Variants in CAPN15 observed in about 807,000 individuals in gnomAD.
The protein encoded by CAPN15 is calpain-15.
Under a neutral mutation model 97.9 loss-of-function variants are expected in CAPN15, and 53 were observed. That is an observed-to-expected ratio of 0.54 (90% confidence interval 0.43 to 0.68). The LOEUF is 0.68. Ranked by LOEUF, CAPN15 falls within the 30% of genes least tolerant of loss-of-function variation. The probability of loss-of-function intolerance (pLI) is 0.00; values close to 1 mark genes in which losing one functional copy is unlikely to be tolerated. For missense variants in CAPN15, 1,592 were observed against 1,589.8 expected (o/e 1.00, Z -0.02); for synonymous variants, 922 against 722.5 (o/e 1.28, Z -4.43).
rs753200597 is a variant in CAPN15 at position 546,888 on chromosome 16, C to T, written c.50C>T (p.Pro17Leu). The T allele has an allele frequency of 8.1e-6, 13 of 1,611,520 alleles. No homozygotes were observed. The highest frequency in any genetic ancestry group is 1.0e-5 in the Non-Finnish European group (12 of 1,179,724). The change falls in exon 4 of 14, where the codon CCG becomes CTG. Residue 17 changes from proline to leucine, a missense_variant. Pro to Leu is a moderately conservative substitution (Grantham distance 98, BLOSUM62 -3). Around this residue, in one of 3 missense-constraint regions of CAPN15, gnomAD observed 883 missense variants for 776.6 expected, o/e 1.14. Transcript: ENST00000219611. Reference sequence around the variant, plus strand: ...TGTGTGCGCTGCACCTTCCTGAACCCGGCCGGCCAGCGCCAGTGCTCCATC... The same window carrying T: ...TGTGTGCGCTGCACCTTCCTGAACCTGGCCGGCCAGCGCCAGTGCTCCATC... The part of the protein sequence containing the change: ...WSCVRCTFLN[P>L]AGQRQCSICE...
chr16:548,156 C>T lies in CAPN15; in HGVS notation c.1318C>T (p.Leu440Phe). The T allele has an allele frequency of 1.3e-6, 2 of 1,537,878 alleles. No homozygotes were observed. The highest frequency in any genetic ancestry group is 1.4e-5 in the African/African-American group (1 of 71,682). Residue 440 changes from leucine (L) to phenylalanine (F), a missense_variant, in exon 4 of 14, where the codon CTC becomes TTC. Leu to Phe is a conservative substitution (Grantham distance 22). Coordinates refer to ENST00000219611, the MANE Select transcript of CAPN15 (RefSeq NM_005632.3). ...KHCAACHTPQ[L>F]LVAQRRGAAP... Reference sequence around the variant, plus strand: ...CTGCGCCGCCTGCCACACGCCTCAGCTCCTGGTGGCCCAGCGGCGGGGGGC... The same window carrying T: ...CTGCGCCGCCTGCCACACGCCTCAGTTCCTGGTGGCCCAGCGGCGGGGGGC...
intron 3 of CAPN15, among the ~76,000 whole-genome samples, chr16:542,020 C>T (rs1323722958): frequency 1.2e-4 from 17 of 145,216 alleles, no homozygotes; most frequent in African/African-American, 3.9e-4. Flanking sequence ...GGCCACAGGA[C>T]GTGGCTGGCT....
At chr16:536,594 TTG>T (rs2033756283) in intron 3 of CAPN15, among the ~76,000 whole-genome samples, 2 of 152,072 alleles carry the variant, frequency 1.3e-5, no homozygotes, top group South Asian at 4.1e-4. Context: ...AGCTAATTTT[TTG>T]TGTGTTTTTA....
In CAPN15 at chr16:537,348, T is replaced by G. The variant is rs546365592; in HGVS notation, c.-23+1206T>G. The G allele has an allele frequency of 1.3e-3, 1,287 of 985,574 alleles. 1 individual carries two copies. Among genetic ancestry groups the G allele is most frequent in the Non-Finnish European group, 1.4e-3 (1,203 of 830,008 alleles). The allele number at this position is 985,574 out of a possible 1,614,324, so 61.1% of individuals were successfully genotyped here. A position where few individuals can be genotyped will look rare whatever the true frequency, so the allele number is the denominator to read the frequency against. Reference sequence around the variant, plus strand: ...GGTGCAGCTGGGCACCACTTCTGCCTTGGGCCTAAAGGCATCAGTGAGGAG... The same window carrying G: ...GGTGCAGCTGGGCACCACTTCTGCCGTGGGCCTAAAGGCATCAGTGAGGAG... On this transcript the variant is annotated intron_variant, in intron 3 of 13. Coordinates refer to ENST00000219611, the MANE Select transcript of CAPN15 (RefSeq NM_005632.3).
At position 527,720 on chromosome 16, in the gene CAPN15, G is replaced by C. The variant is rs1440236213; in HGVS notation, c.-499G>C. The C allele has an allele frequency of 6.6e-6, 1 of 151,244 alleles. No individual in the cohort carries two copies. Among genetic ancestry groups the C allele is most frequent in the Non-Finnish European group, 1.5e-5 (1 of 67,680 alleles). The allele number at this position is 151,244 out of a possible 1,614,324, so 9.4% of individuals were successfully genotyped here. A position where few individuals can be genotyped will look rare whatever the true frequency, so the allele number is the denominator to read the frequency against. ...GCAGCCCTGTGGGAGCCGTAGTCCG[G>C]GCGCGCGATTCACAGCGCCGCGTGC... On this transcript the variant is annotated 5_prime_UTR_variant, in exon 1 of 14. Transcript: ENST00000219611.
rs187147216 is a variant in CAPN15, at chr16:552,813, A to C, written c.2904+42A>C. On this transcript the variant is annotated intron_variant, in intron 12 of 13. Transcript: ENST00000219611. The surrounding 1 kb of genome is among the most constrained non-coding windows in gnomAD (Gnocchi z 6.4). ...GGGGAGGGTGGCGTGGGGCAGGGGG[A>C]GTATGCCCCAGCACCTCCCCTGCCC... 14 of 720,326 alleles carry C rather than the reference A, an allele frequency of 1.9e-5. No individual in the cohort carries two copies. The highest frequency in any genetic ancestry group is 7.1e-5 in the African/African-American group (4 of 56,410). The allele number at this position is 720,326 out of a possible 1,614,324, so 44.6% of individuals were successfully genotyped here.
In CAPN15 at chr16:553,671, G is replaced by GC. The variant is rs1221335561; in HGVS notation, c.*161dup. On this transcript the variant is annotated 3_prime_UTR_variant, in exon 14 of 14. Coordinates refer to ENST00000219611, the MANE Select transcript of CAPN15 (RefSeq NM_005632.3). ...GGGCTCAGCTTCCCATGGGCCCCCC[G>GC]CCCCCCTCCTTCCCCTCCCTGAACC... 3.9e-6 allele frequency: 2 copies of GC among 514,526 alleles called. No homozygotes were observed. The highest frequency in any genetic ancestry group is 7.5e-5 in the Admixed American group (2 of 26,838). 31.9% of individuals were successfully genotyped at this position (514,526 alleles called of 1,614,324 possible).
In CAPN15 at chr16:547,446, G is replaced by T. The variant is rs560754825; in HGVS notation, c.608G>T (p.Gly203Val). The change falls in exon 4 of 14, where the codon GGC becomes GTC. Residue 203 changes from glycine (G) to valine (V), a missense_variant. Transcript: ENST00000219611. ...FHVVPAAPPP[G>V]LPGEGAEANP... is the part of the protein sequence containing the mutation. ...GTCGTGCCTGCCGCGCCTCCACCTGGCCTCCCCGGGGAAGGTGCCGAGGCC... is the reference window on the plus strand; with the variant it reads ...GTCGTGCCTGCCGCGCCTCCACCTGTCCTCCCCGGGGAAGGTGCCGAGGCC... 6.3e-7 allele frequency: 1 copy of T among 1,588,616 alleles called. No individual in the cohort carries two copies. Among genetic ancestry groups the T allele is most frequent in the Non-Finnish European group, 8.5e-7 (1 of 1,174,704 alleles).
At chr16:533,299 A>C (rs1022254882) in intron 1 of CAPN15, among the ~76,000 whole-genome samples, 10 of 152,234 alleles carry the variant, frequency 6.6e-5, no homozygotes, top group African/African-American at 1.9e-4. Context: ...GGCCCTACAC[A>C]GGGCCCAGGA....
Position 549,338 on chromosome 16 carries a change from G to C in CAPN15, c.1709G>C (p.Arg570Pro). 6.3e-7 allele frequency: 1 copy of C among 1,595,130 alleles called. No homozygotes were observed. The highest frequency in any genetic ancestry group is 1.1e-5 in the South Asian group (1 of 89,932). ...VLAERPDLVE[R>P]VMVTRSLCAE... ...GCGGAGCGGCCGGACCTGGTGGAGC[G>C]GGTGATGGTCACGCGCAGCCTGTGT... Residue 570 changes from arginine to proline, a missense_variant, in exon 6 of 14, where the codon CGG becomes CCG. Physicochemically the swap from Arg to Pro is moderately radical, Grantham distance 103 (BLOSUM62 -2). Around this residue, in one of 3 missense-constraint regions of CAPN15, gnomAD observed 65 missense variants for 113.7 expected, o/e 0.57. Transcript: ENST00000219611.
Position 532,709 on chromosome 16 carries a change from C to G in CAPN15, c.-189-1237C>G, listed in dbSNP as rs191639739. Among the ~76,000 whole-genome samples, 48 of 151,340 alleles carry G rather than the reference C, an allele frequency of 3.2e-4. No homozygotes were observed. The East Asian group carries it at 7.8e-3, about 25-fold the overall frequency. On this transcript the variant is annotated intron_variant, in intron 1 of 13. Transcript: ENST00000219611. Reference sequence around the variant, plus strand: ...CTGCTAAAAATACAAAAAAATTAGCCGGGCCTGGTGGCAGGCGCCTGTAGT... The same window carrying G: ...CTGCTAAAAATACAAAAAAATTAGCGGGGCCTGGTGGCAGGCGCCTGTAGT...
At chr16:529,303 G>A (rs1319751524) in intron 1 of CAPN15, among the ~76,000 whole-genome samples, 1 of 152,132 alleles carries the variant, frequency 6.6e-6, no homozygotes, top group Non-Finnish European at 1.5e-5. Flanking sequence ...CTGAGAGCAG[G>A]AAGTGGCTGG....
At chr16:543,005 T>C (rs56067117) in intron 3 of CAPN15, among the ~76,000 whole-genome samples, 9,984 of 150,996 alleles carry the variant, frequency 0.066, 469 homozygotes, top group African/African-American at 0.13. Flanking sequence ...GAGCCAAGAT[T>C]GCACCACTGC....
At chr16:532,250 A>G (rs1337933532) in intron 1 of CAPN15, among the ~76,000 whole-genome samples, 1 of 150,228 alleles carries the variant, frequency 6.7e-6, no homozygotes, top group African/African-American at 2.5e-5. Context: ...AAAAAAAAAA[A>G]AAAGAAAAAA....
chr16:537,654 G>A (rs117631447), intron 3 of CAPN15: 5,598 of 162,572 alleles, frequency 0.034, 138 homozygotes, highest in Non-Finnish European at 0.05. Flanking sequence ...GGGAGTGTCG[G>A]AAATGCCCAA....
Position 554,329 on chromosome 16 carries a change from G to A in CAPN15, c.*813G>A, listed in dbSNP as rs896346697. On this transcript the variant is annotated 3_prime_UTR_variant, in exon 14 of 14. Coordinates refer to ENST00000219611, the MANE Select transcript of CAPN15 (RefSeq NM_005632.3). Reference sequence around the variant, plus strand: ...CACAGAAGCCCAGGAGTGTGTGGACGTCTGAGCCCAGCTTTCTGCGTGCCC... The same window carrying A: ...CACAGAAGCCCAGGAGTGTGTGGACATCTGAGCCCAGCTTTCTGCGTGCCC... The A allele has an allele frequency of 1.4e-5, 5 of 366,960 alleles. No homozygotes were observed. Among genetic ancestry groups the A allele is most frequent in the African/African-American group, 4.3e-5 (2 of 46,920 alleles). The allele number at this position is 366,960 out of a possible 1,614,324, so 22.7% of individuals were successfully genotyped here.
chr16:550,683 C>T (rs2034932428), intron 7 of CAPN15, among the ~76,000 whole-genome samples: 1 of 139,442 alleles, frequency 7.2e-6, no homozygotes, highest in African/African-American at 2.7e-5. Flanking sequence ...TGAGGGCCCC[C>T]AGTCGGTGAG....
intron 3 of CAPN15, among the ~76,000 whole-genome samples, chr16:543,042 C>A (rs1271481050): frequency 6.6e-6 from 1 of 152,122 alleles, no homozygotes; most frequent in South Asian, 2.1e-4. Context: ...CAGAGTGAGA[C>A]TCTGTCTCAA....
chr16:528,665 G>C, intron 1 of CAPN15: 2 of 945,112 alleles, frequency 2.1e-6, no homozygotes, highest in Non-Finnish European at 2.5e-6. Context: ...GCTGGCCCTG[G>C]CCGGGCGAGC....
Sources: gnomAD v4.1 joint callset for allele counts (sites outside exome capture counted in the v4.1 genomes callset) on GRCh38, gnomAD v4.1.1 for gene constraint, gnomAD v4.1.1 regional missense constraint, Gnocchi (gnomAD v3.1) non-coding constraint, MANE v1.5 for transcripts, NCBI Gene and HGNC (gene_info 2026-07-23, HGNC 2026-07-21) for gene names.